The following MFAP5 variants were observed in gnomAD, a reference collection of about 807,000 sequenced individuals.
MFAP5 encodes the protein microfibrillar-associated protein 5.
Under a neutral mutation model 30.1 loss-of-function variants are expected in MFAP5, and 19 were observed. The observed-to-expected ratio is 0.63, with a 90% CI of 0.44 to 0.93. The LOEUF is 0.93. Ranked by LOEUF, MFAP5 falls within the 40% of genes least tolerant of loss-of-function variation. MFAP5 has a pLI of 0.00. For missense variants in MFAP5, 210 were observed against 221.3 expected (o/e 0.95, Z 0.32); for synonymous variants, 92 against 72.9 (o/e 1.26, Z -1.33).
At chr12:8,661,797 C>A (rs1407745313) in intron 2 of MFAP5, among the ~76,000 whole-genome samples, 2 of 152,148 alleles carry the variant, frequency 1.3e-5, no homozygotes, top group Non-Finnish European at 2.9e-5. Flanking sequence ...GGTTAATATG[C>A]ATTTGTGTGT....
At chr12:8,657,566 CTTTT>C (rs35916052) in intron 3 of MFAP5, among the ~76,000 whole-genome samples, 6 of 128,104 alleles carry the variant, frequency 4.7e-5, no homozygotes, top group African/African-American at 1.8e-4. Context: ...TTTGCTTTGA[CTTTT>C]TTTTTTTTTT....
intron 6 of MFAP5, among the ~76,000 whole-genome samples, chr12:8,653,192 CAAAAAAAAAAAAA>C (rs71451973): frequency 9.0e-6 from 1 of 110,980 alleles, no homozygotes; most frequent in Admixed American, 9.6e-5. Context: ...GACTCTGTGT[CAAAAAAAAAAAAA>C]AAGAAAAAAG....
chr12:8,649,541 G>A lies in MFAP5; in HGVS notation c.369C>T (p.Ile123=). The A allele has an allele frequency of 6.2e-7, 1 of 1,614,094 alleles. No homozygotes were observed. The highest frequency in any genetic ancestry group is 1.3e-5 in the African/African-American group (1 of 75,042). ...GTTCCTTACAGACAAGACGAGAGCA[G>A]ATCTCCTTGTTGACGATGTACATAC... is the stretch of plus-strand genomic sequence containing the variant. ...LRRMYIVNKE[I]CSRLVCKEHE... is the part of the protein sequence containing the mutation. Residue 123 remains isoleucine, a synonymous_variant, in exon 9 of 10, where the codon ATC becomes ATT. Transcript: ENST00000359478.
intron 5 of MFAP5, 99 bp downstream of exon 5, chr12:8,655,316 G>T: frequency 8.7e-7 from 1 of 1,153,456 alleles, no homozygotes; most frequent in East Asian, 2.5e-5. Context: ...AAAAACAAAA[G>T]CAAATATAAA....
At chr12:8,648,850 C>T (rs1320044331) in intron 9 of MFAP5, among the ~76,000 whole-genome samples, 3 of 152,206 alleles carry the variant, frequency 2.0e-5, no homozygotes, top group East Asian at 3.8e-4. Flanking sequence ...CCACAGCCAT[C>T]GTTCGGGGCT....
At chr12:8,661,023 A>G (rs886526732) in intron 2 of MFAP5, 125 bp from the exon 3 acceptor site, 8 of 676,580 alleles carry the variant, frequency 1.2e-5, no homozygotes, top group Middle Eastern at 3.0e-4. Context: ...TTATTCCTAT[A>G]TAGCTCAATA....
intron 3 of MFAP5, chr12:8,658,473 A>G (rs1173787006): frequency 1.3e-5 from 2 of 152,184 alleles, no homozygotes; most frequent in Admixed American, 6.5e-5. Context: ...ATCTTTTAAC[A>G]AAAGGAATCC....
Position 8,647,468 on chromosome 12 carries a change from A to G in MFAP5, c.*623T>C, listed in dbSNP as rs995605928. On this transcript the variant is annotated 3_prime_UTR_variant, in exon 10 of 10. Transcript: ENST00000359478. ...CCCCAGCCTCTGAGCTTAGCAGAAGACATTTTGGGTCCTTATATATTGCTA... is the reference window on the plus strand; with the variant it reads ...CCCCAGCCTCTGAGCTTAGCAGAAGGCATTTTGGGTCCTTATATATTGCTA... 1.3e-4 allele frequency: 20 copies of G among 152,342 alleles called. No homozygotes were observed. The highest frequency in any genetic ancestry group is 7.7e-4 in the East Asian group (4 of 5,190). The allele number at this position is 152,342 out of a possible 1,614,324, so 9.4% of individuals were successfully genotyped here. A position where few individuals can be genotyped will look rare whatever the true frequency, so the allele number is the denominator to read the frequency against.
At chr12:8,656,019 C>A (rs948723490) in intron 3 of MFAP5, among the ~76,000 whole-genome samples, 189 bp from the exon 4 acceptor site, 2 of 151,190 alleles carry the variant, frequency 1.3e-5, no homozygotes, top group Non-Finnish European at 2.9e-5. Context: ...AAAATGAAAT[C>A]GGATATACCA....
rs1555139703 is a variant in MFAP5 at position 8,656,668 on chromosome 12, A to ATT, written c.95-840_95-839dup. ...CACACACATATATATATATATATAT[A>ATT]TTTTTTTTTTTTGAGACAGAGTCTG... is the stretch of plus-strand genomic sequence containing the variant. On this transcript the variant is annotated intron_variant, in intron 3 of 9. Coordinates refer to ENST00000359478, the MANE Select transcript of MFAP5 (RefSeq NM_003480.4). Among the ~76,000 whole-genome samples, 328 of 118,766 alleles carry ATT rather than the reference A, an allele frequency of 2.8e-3. 8 individuals are homozygous for ATT. The highest frequency in any genetic ancestry group is 7.6e-3 in the African/African-American group (215 of 28,292). 77.9% of individuals were successfully genotyped at this position (118,766 alleles called of 152,430 possible).
At chr12:8,649,818 TG>T (rs1169175276) in intron 8 of MFAP5, among the ~76,000 whole-genome samples, 2 of 152,192 alleles carry the variant, frequency 1.3e-5, no homozygotes, top group East Asian at 1.9e-4. Context: ...GGTGTACAGG[TG>T]GTTTTTGGTT....
At chr12:8,648,336 G>A (rs2136458070) in intron 9 of MFAP5, 133 bp from the exon 10 acceptor site, 1 of 909,188 alleles carries the variant, frequency 1.1e-6, no homozygotes, top group South Asian at 1.8e-5. Flanking sequence ...GTTTTAACCA[G>A]CTCTGCCACT....
intron 6 of MFAP5, among the ~76,000 whole-genome samples, chr12:8,653,652 A>G (rs917701446): frequency 6.6e-6 from 1 of 152,222 alleles, no homozygotes; most frequent in Non-Finnish European, 1.5e-5. Context: ...CACCGAACCT[A>G]GTCAAGAACT....
chr12:8,658,802 C>A (rs147248078), intron 3 of MFAP5, among the ~76,000 whole-genome samples: 18 of 151,644 alleles, frequency 1.2e-4, no homozygotes, highest in African/African-American at 3.9e-4. Flanking sequence ...TCATGAAGTT[C>A]TCTCTGAAAA....
chr12:8,646,126 T>C lies in MFAP5; in HGVS notation c.*1965A>G, dbSNP rs910726252. The stretch of plus-strand genomic sequence containing the variant: ...ATTAATCTTGGAAACTCTGTGCCTA[T>C]GAGGTTTCTCTAAAGTGGCTAAAAT... On this transcript the variant is annotated 3_prime_UTR_variant, in exon 10 of 10. Coordinates refer to ENST00000359478, the MANE Select transcript of MFAP5 (RefSeq NM_003480.4). 1 of 152,662 alleles carries C rather than the reference T, an allele frequency of 6.6e-6. No individual in the cohort carries two copies. The highest frequency in any genetic ancestry group is 2.4e-5 in the African/African-American group (1 of 41,458). 9.5% of individuals were successfully genotyped at this position (152,662 alleles called of 1,614,324 possible). A position where few individuals can be genotyped will look rare whatever the true frequency, so the allele number is the denominator to read the frequency against.
At chr12:8,654,316 G>A (rs920942097) in intron 6 of MFAP5, 121 bp downstream of exon 6, 1 of 904,538 alleles carries the variant, frequency 1.1e-6, no homozygotes, top group African/African-American at 1.7e-5. Flanking sequence ...GGAAATATGT[G>A]CTCCATAAAC....
In MFAP5 at chr12:8,656,668, A is replaced by ATTTT. The variant is rs1555139703; in HGVS notation, c.95-842_95-839dup. 5.1e-3 allele frequency among the ~76,000 whole-genome samples: 603 copies of ATTTT among 118,454 alleles called. 13 individuals are homozygous for ATTTT. Among genetic ancestry groups the ATTTT allele is most frequent in the African/African-American group, 0.02 (553 of 28,056 alleles). 77.7% of individuals were successfully genotyped at this position (118,454 alleles called of 152,430 possible). Reference sequence around the variant, plus strand: ...CACACACATATATATATATATATATATTTTTTTTTTTTGAGACAGAGTCTG... The same window carrying ATTTT: ...CACACACATATATATATATATATATATTTTTTTTTTTTTTTTGAGACAGAGTCTG... On this transcript the variant is annotated intron_variant, in intron 3 of 9. Transcript: ENST00000359478.
intron 3 of MFAP5, among the ~76,000 whole-genome samples, chr12:8,657,218 G>T (rs1157677024): frequency 6.6e-6 from 1 of 152,042 alleles, no homozygotes; most frequent in African/African-American, 2.4e-5. Flanking sequence ...TTAAAGTAGA[G>T]ACCACTGGTT....
intron 3 of MFAP5, 57 bp from the exon 4 acceptor site, chr12:8,655,887 C>A: frequency 6.7e-7 from 1 of 1,489,568 alleles, no homozygotes; most frequent in Non-Finnish European, 9.3e-7. Context: ...GCCACCCTTG[C>A]ACTTCCAGTA....
Sources: allele counts gnomAD v4.1 joint callset (sites outside exome capture counted in the v4.1 genomes callset), GRCh38; gene constraint gnomAD v4.1.1; transcripts MANE v1.5; gene names NCBI Gene and HGNC (gene_info 2026-07-23, HGNC 2026-07-21).